The following PEX14 variants were observed in gnomAD, a reference collection of about 807,000 sequenced individuals.
PEX14 encodes peroxisomal biogenesis factor 14.
PEX14 carries 15 observed loss-of-function variants against 49.5 expected under a neutral mutation model. That is an observed-to-expected ratio of 0.30 (90% CI 0.20 to 0.47). The LOEUF (loss-of-function observed/expected upper bound fraction) is 0.47. Among genes scored for constraint, PEX14 ranks in the 20% least tolerant of loss-of-function variants. PEX14 has a pLI of 1.00. For missense variants in PEX14, 398 were observed against 494.8 expected, an observed-to-expected ratio of 0.80 and a Z score of 1.86; for synonymous variants, 210 against 212.7, an observed-to-expected ratio of 0.99 and a Z score of 0.11.
In PEX14 at chr1:10,512,235, G is replaced by C. The variant is rs978110072; in HGVS notation, c.84+16914G>C. Among the ~76,000 whole-genome samples the C allele has an allele frequency of 6.6e-6, 1 of 152,184 alleles. No homozygotes were observed. The highest frequency in any genetic ancestry group is 1.5e-5 in the Non-Finnish European group (1 of 68,026). On this transcript the variant is annotated intron_variant, in intron 2 of 8. Coordinates refer to ENST00000356607, the MANE Select transcript of PEX14 (RefSeq NM_004565.3). The surrounding 1 kb of genome is among the most constrained non-coding windows in gnomAD (Gnocchi z 4.6). ...GGCCTCCCAAAGTGCTGAGATTACAGACGTGAGCCACCGTGCCTGGCCCAA... is the reference window on the plus strand; with the variant it reads ...GGCCTCCCAAAGTGCTGAGATTACACACGTGAGCCACCGTGCCTGGCCCAA...
intron 3 of PEX14, among the ~76,000 whole-genome samples, chr1:10,570,505 G>A: frequency 6.6e-6 from 1 of 151,934 alleles, no homozygotes; most frequent in Non-Finnish European, 1.5e-5. Context: ...GCTAATTTTT[G>A]TATTTTTAGT....
intron 1 of PEX14, among the ~76,000 whole-genome samples, chr1:10,475,660 C>A (rs538843367): frequency 6.6e-6 from 1 of 152,282 alleles, no homozygotes; most frequent in South Asian, 2.1e-4. Flanking sequence ...CAGATTCAGA[C>A]AAATCCCACT....
chr1:10,565,022 G>C (rs1438436824), intron 3 of PEX14, among the ~76,000 whole-genome samples: 1 of 150,038 alleles, frequency 6.7e-6, no homozygotes, highest in Non-Finnish European at 1.5e-5. Flanking sequence ...TTCTGCCTCA[G>C]CCTCCCAAGT....
chr1:10,519,813 T>C (rs1638222298), intron 2 of PEX14, among the ~76,000 whole-genome samples: 1 of 152,216 alleles, frequency 6.6e-6, no homozygotes. Flanking sequence ...GGACTTGCTG[T>C]GCTGCTCAGG....
At chr1:10,535,230 T>A (rs1638764680) in intron 2 of PEX14, among the ~76,000 whole-genome samples, 1 of 152,190 alleles carries the variant, frequency 6.6e-6, no homozygotes. Context: ...AGGGCTGGTG[T>A]CTGGGGTGGA....
chr1:10,614,319 A>G (rs1641351571), intron 4 of PEX14, among the ~76,000 whole-genome samples: 1 of 152,206 alleles, frequency 6.6e-6, no homozygotes, highest in Non-Finnish European at 1.5e-5. Flanking sequence ...TTTAGGAAAG[A>G]TCATTCTGGT....
chr1:10,569,269 A>AT lies in PEX14; in HGVS notation c.170-29960dup, dbSNP rs922679740. Among the ~76,000 whole-genome samples, 11 of 151,606 alleles carry AT rather than the reference A, an allele frequency of 7.3e-5. No individual in the cohort carries two copies. In the East Asian group the frequency reaches 1.4e-3, roughly 19 times the overall value. On this transcript the variant is annotated intron_variant, in intron 3 of 8. Transcript: ENST00000356607. ...ATAGTTGTGCTTTCTCTTTTGTAAA[A>AT]TTTTTTTTTCATAGAGTTAATGGAC...
At chr1:10,534,429 T>A (rs898461542) in intron 2 of PEX14, among the ~76,000 whole-genome samples, 3 of 152,094 alleles carry the variant, frequency 2.0e-5, no homozygotes, top group Admixed American at 6.6e-5. Context: ...TACTGTTGCC[T>A]TCTTCTCCCC....
intron 1 of PEX14, among the ~76,000 whole-genome samples, chr1:10,476,273 G>A (rs1337237131): frequency 6.6e-6 from 1 of 152,234 alleles, no homozygotes; most frequent in Non-Finnish European, 1.5e-5. Context: ...GATTCAGGAA[G>A]AAGATGTCTT....
At chr1:10,497,901 C>T (rs1641597238) in intron 2 of PEX14, among the ~76,000 whole-genome samples, 1 of 152,160 alleles carries the variant, frequency 6.6e-6, no homozygotes, top group Non-Finnish European at 1.5e-5. Context: ...TGGAAGTTGC[C>T]TGGTCTCTAC....
intron 3 of PEX14, among the ~76,000 whole-genome samples, chr1:10,565,871 A>G (rs1639789104): frequency 6.6e-6 from 1 of 152,048 alleles, no homozygotes; most frequent in Non-Finnish European, 1.5e-5. Context: ...TGGGTGTGGT[A>G]GCACATGCCT....
At chr1:10,595,696 GCT>G (rs1640815865) in intron 3 of PEX14, among the ~76,000 whole-genome samples, 1 of 152,250 alleles carries the variant, frequency 6.6e-6, no homozygotes, top group Admixed American at 6.5e-5. Flanking sequence ...TTTGCTTCCA[GCT>G]CTCTGCCTGC....
intron 2 of PEX14, among the ~76,000 whole-genome samples, chr1:10,513,417 T>TCC (rs1303647905): frequency 6.6e-6 from 1 of 152,180 alleles, no homozygotes; most frequent in Non-Finnish European, 1.5e-5. Flanking sequence ...ACCAGTGTGT[T>TCC]CCCCTGTTCC....
At chr1:10,516,533 T>C (rs1033615228) in intron 2 of PEX14, among the ~76,000 whole-genome samples, 21 of 152,256 alleles carry the variant, frequency 1.4e-4, no homozygotes, top group Non-Finnish European at 2.8e-4. Context: ...CCTGAAACTT[T>C]ACCTGGGATT....
At chr1:10,536,385 G>A in intron 3 of PEX14, 88 bp downstream of exon 3, 1 of 859,440 alleles carries the variant, frequency 1.2e-6, no homozygotes, top group Admixed American at 1.9e-5. Context: ...CAGGTGCTGA[G>A]CTGCCAGGAC....
At chr1:10,578,283 A>G (rs1469940011) in intron 3 of PEX14, among the ~76,000 whole-genome samples, 4 of 152,148 alleles carry the variant, frequency 2.6e-5, no homozygotes, top group Non-Finnish European at 5.9e-5. Flanking sequence ...GAGTCTTGTC[A>G]AGTTAGAGGC....
In PEX14 at chr1:10,613,266, AGTCAT is replaced by A. The variant is rs1301708118; in HGVS notation, c.299-5063_299-5059del. Among the ~76,000 whole-genome samples, 1 of 152,068 alleles carries A rather than the reference AGTCAT, an allele frequency of 6.6e-6. No homozygotes were observed. The highest frequency in any genetic ancestry group is 1.5e-5 in the Non-Finnish European group (1 of 68,026). On this transcript the variant is annotated intron_variant, in intron 4 of 8. Transcript: ENST00000356607. This position sits in a 1 kb window ranked among gnomAD's most constrained non-coding sequence, Gnocchi z 5.0. ...GGTTGGTGGAGGTATAAAGAAACAGAGTCATGTTGGTTTTGTTGGTGTTCAGTGAA... is the reference window on the plus strand; with the variant it reads ...GGTTGGTGGAGGTATAAAGAAACAGAGTTGGTTTTGTTGGTGTTCAGTGAA...
rs1187391592 is a variant in PEX14 at position 10,623,137 on chromosome 1, T to C, written c.487+16T>C. 6.4e-7 allele frequency: 1 copy of C among 1,562,704 alleles called. No homozygotes were observed. The highest frequency in any genetic ancestry group is 1.7e-5 in the Admixed American group (1 of 59,498). On this transcript the variant is annotated intron_variant, in intron 6 of 8. Transcript: ENST00000356607. The surrounding 1 kb of genome is among the most constrained non-coding windows in gnomAD (Gnocchi z 4.4). ...GCCCAGACAGGTAAAGATTAATGAC[T>C]CCATCAAGTCACCCCTCACAGCCTT... is the stretch of plus-strand genomic sequence containing the variant.
chr1:10,615,119 A>T (rs1375012194), intron 4 of PEX14, among the ~76,000 whole-genome samples: 1 of 152,202 alleles, frequency 6.6e-6, no homozygotes, highest in Non-Finnish European at 1.5e-5. Flanking sequence ...GTCACTGCAC[A>T]GCCTGGGAAG....
Sources: gnomAD v4.1 joint callset for allele counts (sites outside exome capture counted in the v4.1 genomes callset) on GRCh38, gnomAD v4.1.1 for gene constraint, Gnocchi (gnomAD v3.1) non-coding constraint, MANE v1.5 for transcripts, NCBI Gene and HGNC (gene_info 2026-07-23, HGNC 2026-07-21) for gene names.